PHF14: variants seen among roughly 807,000 people sequenced by gnomAD.
The protein encoded by PHF14 is PHD finger protein 14.
A neutral mutation model predicts 117.9 loss-of-function variants in PHF14; 55 were observed. That is an observed-to-expected ratio of 0.47 (90% CI 0.38 to 0.58). PHF14 has a LOEUF of 0.58. Among genes scored for constraint, PHF14 ranks in the 20% least tolerant of loss-of-function variants. The pLI is 0.00. For missense variants in PHF14, 978 were observed against 1,122.2 expected, an observed-to-expected ratio of 0.87 and a Z score of 1.84; for synonymous variants, 409 against 368.6, an observed-to-expected ratio of 1.11 and a Z score of -1.26.
chr7:11,161,971 G>A (rs895848699), intron 17 of PHF14, among the ~76,000 whole-genome samples: 3 of 150,066 alleles, frequency 2.0e-5, no homozygotes, highest in Admixed American at 6.6e-5. Context: ...AGTTCGTCAG[G>A]GTTATCAAAC....
chr7:11,113,445 A>C (rs1353689045), intron 17 of PHF14, among the ~76,000 whole-genome samples: 1 of 152,074 alleles, frequency 6.6e-6, no homozygotes, highest in Non-Finnish European at 1.5e-5. Flanking sequence ...TATTTGCTGT[A>C]CTCTGTTTGA....
chr7:10,981,446 C>A (rs1782041154), intron 2 of PHF14, among the ~76,000 whole-genome samples: 1 of 152,118 alleles, frequency 6.6e-6, no homozygotes, highest in Admixed American at 6.5e-5. Flanking sequence ...TGAGTACTTA[C>A]TGAGTAATGA....
chr7:11,149,014 T>C (rs2128353391), intron 17 of PHF14, among the ~76,000 whole-genome samples: 1 of 152,280 alleles, frequency 6.6e-6, no homozygotes, highest in East Asian at 1.9e-4. Flanking sequence ...ATAGGGTTTT[T>C]TTTTTGTTTT....
intron 16 of PHF14, chr7:11,062,986 A>G (rs765555840): frequency 1.6e-4 from 134 of 856,552 alleles, no homozygotes; most frequent in Non-Finnish European, 1.9e-4. Flanking sequence ...AAGAATAAAC[A>G]TATTGATAAA....
intron 17 of PHF14, among the ~76,000 whole-genome samples, chr7:11,159,325 T>C (rs1277393351): frequency 2.6e-5 from 4 of 152,110 alleles, no homozygotes; most frequent in Non-Finnish European, 4.4e-5. Context: ...TGTGCAGGTT[T>C]GTTACATAGG....
intron 16 of PHF14, among the ~76,000 whole-genome samples, chr7:11,084,503 T>A (rs1786300329): frequency 6.6e-6 from 1 of 152,036 alleles, no homozygotes; most frequent in Non-Finnish European, 1.5e-5. Flanking sequence ...GTGTTTTTTT[T>A]TTTTTTTAAC....
chr7:11,100,532 A>T (rs1787050753), intron 16 of PHF14, among the ~76,000 whole-genome samples: 1 of 151,954 alleles, frequency 6.6e-6, no homozygotes, highest in South Asian at 2.1e-4. Context: ...TATGTATTAG[A>T]ATATAATTTC....
chr7:11,118,123 T>C (rs570060580), intron 17 of PHF14, among the ~76,000 whole-genome samples: 6 of 151,996 alleles, frequency 3.9e-5, no homozygotes, highest in South Asian at 2.1e-4. Flanking sequence ...AATACAGATA[T>C]GTAAAAAGTC....
In PHF14 at chr7:10,983,130, C is replaced by A; in HGVS notation, c.871C>A (p.Leu291Met). ...ADDEELTNDS[L>M]TLSQSKSNED... Reference sequence around the variant, plus strand: ...TGATGAGGAACTGACCAATGATAGCCTGACCCTATCTCAAAGCAAGAGTAA... The same window carrying A: ...TGATGAGGAACTGACCAATGATAGCATGACCCTATCTCAAAGCAAGAGTAA... The change falls in exon 3 of 18, where the codon CTG becomes ATG. Residue 291 changes from leucine (L) to methionine (M), a missense_variant. Leu to Met is a conservative substitution (Grantham distance 15). This residue lies in a region of PHF14 where 414 missense variants were observed against 376.4 expected (regional missense o/e 1.10). Transcript: ENST00000634607. 1 of 1,597,418 alleles carries A rather than the reference C, an allele frequency of 6.3e-7. No homozygotes were observed. Among genetic ancestry groups the A allele is most frequent in the Non-Finnish European group, 8.5e-7 (1 of 1,178,360 alleles).
chr7:11,019,002 G>GT (rs1783631295), intron 5 of PHF14, among the ~76,000 whole-genome samples: 1 of 152,096 alleles, frequency 6.6e-6, no homozygotes, highest in African/African-American at 2.4e-5. Context: ...TGATCATATG[G>GT]TTTTTATCCT....
chr7:11,164,600 A>G (rs982571731), intron 17 of PHF14, among the ~76,000 whole-genome samples: 2 of 152,192 alleles, frequency 1.3e-5, no homozygotes, highest in Non-Finnish European at 2.9e-5. Context: ...TTAGGTAGCC[A>G]TTTTTATTTT....
chr7:10,995,191 C>G (rs1359501496), intron 4 of PHF14, among the ~76,000 whole-genome samples: 8 of 152,036 alleles, frequency 5.3e-5, no homozygotes, highest in African/African-American at 1.9e-4. Flanking sequence ...ATTTACAATC[C>G]CTTAGCTAGA....
chr7:11,035,097 A>G (rs1478942079), intron 7 of PHF14, among the ~76,000 whole-genome samples: 2 of 151,922 alleles, frequency 1.3e-5, no homozygotes, highest in East Asian at 1.9e-4. Context: ...CCAACTGCAG[A>G]TCGAAAATGT....
chr7:11,041,414 G>A (rs73678569), intron 12 of PHF14, among the ~76,000 whole-genome samples: 2,010 of 151,632 alleles, frequency 0.013, 44 homozygotes, highest in African/African-American at 0.046. Flanking sequence ...TTTAGAAGAT[G>A]CTGGTGTTTT....
At chr7:11,092,280 G>C (rs1044216755) in intron 16 of PHF14, among the ~76,000 whole-genome samples, 5 of 152,106 alleles carry the variant, frequency 3.3e-5, no homozygotes, top group African/African-American at 1.2e-4. Flanking sequence ...TTAAACATTA[G>C]GGTGCATTTG....
intron 16 of PHF14, among the ~76,000 whole-genome samples, chr7:11,070,031 T>C (rs1390155202): frequency 6.6e-6 from 1 of 152,168 alleles, no homozygotes; most frequent in Non-Finnish European, 1.5e-5. Flanking sequence ...AGAGTTTTCA[T>C]TGTGGAAATG....
chr7:11,110,497 A>G, intron 16 of PHF14: 1 of 966,398 alleles, frequency 1.0e-6, no homozygotes, highest in Non-Finnish European at 1.2e-6. Context: ...GCACTGAAAT[A>G]ATACAGATTT....
Position 10,982,653 on chromosome 7 carries a change from G to A in PHF14, c.394G>A (p.Glu132Lys), listed in dbSNP as rs1324442412. ...EKEKEKEKER[E>K]KEKEKATVSE... ...GGAAAAGGAGAAAGAGAAGGAAAGA[G>A]AGAAGGAAAAAGAAAAAGCAACAGT... Residue 132 changes from glutamate to lysine, a missense_variant, in exon 3 of 18, where the codon GAG (glutamate) becomes AAG (lysine). By Grantham distance (56) the Glu-to-Lys change is moderately conservative. Transcript: ENST00000634607. 6.4e-7 allele frequency: 1 copy of A among 1,552,620 alleles called. No homozygotes were observed.
intron 17 of PHF14, among the ~76,000 whole-genome samples, chr7:11,135,334 A>T (rs1007421848): frequency 1.3e-5 from 2 of 152,070 alleles, no homozygotes; most frequent in Non-Finnish European, 2.9e-5. Context: ...TACCTAATTC[A>T]TTCTTCTGTT....
Sources: allele counts gnomAD v4.1 joint callset (sites outside exome capture counted in the v4.1 genomes callset), GRCh38; gene constraint gnomAD v4.1.1; regional missense constraint gnomAD v4.1.1; transcripts MANE v1.5; gene names NCBI Gene and HGNC (gene_info 2026-07-23, HGNC 2026-07-21).